NPFFR2: variants seen among roughly 807,000 people sequenced by gnomAD.
NPFFR2 encodes neuropeptide FF receptor 2, also known as G-protein coupled receptor 74.
Under a neutral mutation model 13.1 loss-of-function variants are expected in NPFFR2, and 15 were observed. That is an observed-to-expected ratio of 1.15 (90% CI 0.77 to 1.76). The LOEUF (loss-of-function observed/expected upper bound fraction) is 1.76. Ranked by LOEUF, NPFFR2 falls within the 40% of genes most tolerant of loss-of-function variation. NPFFR2 has a pLI of 0.00. For synonymous variants in NPFFR2, 190 were observed against 175.7 expected, an observed-to-expected ratio of 1.08 and a Z score of -0.65; for missense variants, 572 against 503.5, an observed-to-expected ratio of 1.14 and a Z score of -1.30.
At chr4:72,121,414 C>T (rs1413505306) in intron 1 of NPFFR2, among the ~76,000 whole-genome samples, 1 of 152,108 alleles carries the variant, frequency 6.6e-6, no homozygotes, top group Non-Finnish European at 1.5e-5. Flanking sequence ...CACAAAGATA[C>T]TCCCTGAGAA....
chr4:72,053,585 C>T (rs1719654997), intron 1 of NPFFR2, among the ~76,000 whole-genome samples: 2 of 151,440 alleles, frequency 1.3e-5, no homozygotes, highest in African/African-American at 4.8e-5. Flanking sequence ...AAATTTCTTC[C>T]AGGTTATCCA....
chr4:72,100,728 A>C (rs967752119), intron 1 of NPFFR2, among the ~76,000 whole-genome samples: 3 of 152,068 alleles, frequency 2.0e-5, no homozygotes, highest in Admixed American at 6.6e-5. Flanking sequence ...AATTTCTTGA[A>C]TTTGACAAGT....
intron 1 of NPFFR2, among the ~76,000 whole-genome samples, chr4:72,046,745 A>G (rs1469462004): frequency 2.0e-5 from 3 of 152,190 alleles, no homozygotes; most frequent in Admixed American, 2.0e-4. Context: ...ATTAAAGGCA[A>G]CTCTGGTAAG....
intron 1 of NPFFR2, among the ~76,000 whole-genome samples, chr4:72,072,567 C>A (rs1337401832): frequency 1.3e-5 from 2 of 151,882 alleles, no homozygotes; most frequent in African/African-American, 4.8e-5. Flanking sequence ...GACTATGAGT[C>A]CTGTGGGACA....
chr4:72,055,847 A>G (rs1213777601), intron 1 of NPFFR2, among the ~76,000 whole-genome samples: 66 of 152,136 alleles, frequency 4.3e-4, no homozygotes, highest in Non-Finnish European at 8.8e-5. Context: ...CATTCCCTTA[A>G]GTTGGAGTCT....
chr4:72,044,169 T>C (rs1417226984), intron 1 of NPFFR2, among the ~76,000 whole-genome samples: 2 of 152,178 alleles, frequency 1.3e-5, no homozygotes, highest in African/African-American at 4.8e-5. Context: ...GTAAGTTTCC[T>C]GAGGCCTCCC....
Position 72,052,202 on chromosome 4 carries a change from T to G in NPFFR2, c.-8+20002T>G, listed in dbSNP as rs1180365686. The stretch of plus-strand genomic sequence containing the variant: ...GCAGAGACACAACCAAAAAAGAGAA[T>G]TTTAGACCAATATCCTTGATGAACA... On this transcript the variant is annotated intron_variant, in intron 1 of 3. Coordinates refer to ENST00000308744, the MANE Select transcript of NPFFR2 (RefSeq NM_004885.3). 8.7e-5 allele frequency among the ~76,000 whole-genome samples: 6 copies of G among 68,622 alleles called. 2 individuals carry two copies. Among genetic ancestry groups the G allele is most frequent in the African/African-American group, 2.5e-4 (6 of 24,168 alleles). The allele number at this position is 68,622 out of a possible 152,430, so 45.0% of individuals were successfully genotyped here.
At chr4:72,060,808 T>C (rs1719898746) in intron 1 of NPFFR2, among the ~76,000 whole-genome samples, 1 of 152,140 alleles carries the variant, frequency 6.6e-6, no homozygotes, top group Admixed American at 6.6e-5. Flanking sequence ...ATTTAGTAGC[T>C]GCTGAGTTGT....
At chr4:72,074,836 C>G (rs1720378116) in intron 1 of NPFFR2, among the ~76,000 whole-genome samples, 1 of 152,052 alleles carries the variant, frequency 6.6e-6, no homozygotes, top group Non-Finnish European at 1.5e-5. Flanking sequence ...AATGGATATT[C>G]TATGCAAACG....
At chr4:72,127,008 A>G (rs940713020) in intron 1 of NPFFR2, among the ~76,000 whole-genome samples, 1 of 152,028 alleles carries the variant, frequency 6.6e-6, no homozygotes. Context: ...AGCTGTCTAC[A>G]TTAAGACATA....
intron 1 of NPFFR2, among the ~76,000 whole-genome samples, chr4:72,073,206 G>A (rs949174873): frequency 6.6e-6 from 1 of 151,972 alleles, no homozygotes; most frequent in African/African-American, 2.4e-5. Flanking sequence ...AGTATAATTA[G>A]ATGGTTTGTA....
At chr4:72,099,017 G>T (rs1312834173) in intron 1 of NPFFR2, among the ~76,000 whole-genome samples, 1 of 152,138 alleles carries the variant, frequency 6.6e-6, no homozygotes, top group Admixed American at 6.6e-5. Context: ...TAGCTCAGTT[G>T]CCAAGTGCAA....
intron 1 of NPFFR2, among the ~76,000 whole-genome samples, chr4:72,086,888 A>T (rs972346603): frequency 6.6e-6 from 1 of 152,070 alleles, no homozygotes; most frequent in East Asian, 1.9e-4. Context: ...ACAAAAATAT[A>T]TTTCCTAGAT....
intron 1 of NPFFR2, among the ~76,000 whole-genome samples, chr4:72,074,333 T>A (rs72856124): frequency 0.031 from 4,705 of 152,088 alleles, 229 homozygotes; most frequent in African/African-American, 0.11. Flanking sequence ...ACATAGGGAT[T>A]TTGTCATCTC....
chr4:72,121,534 C>T (rs1194723750), intron 1 of NPFFR2, among the ~76,000 whole-genome samples: 1 of 152,170 alleles, frequency 6.6e-6, no homozygotes, highest in Non-Finnish European at 1.5e-5. Flanking sequence ...GGAAGCCAGT[C>T]AGATTAACAG....
intron 1 of NPFFR2, among the ~76,000 whole-genome samples, chr4:72,063,956 C>T (rs755115532): frequency 4.1e-4 from 62 of 151,988 alleles, no homozygotes; most frequent in Non-Finnish European, 7.8e-4. Context: ...GACTGGGTCT[C>T]GATTTACGTT....
intron 2 of NPFFR2, among the ~76,000 whole-genome samples, chr4:72,131,120 A>C (rs1722225161): frequency 6.6e-6 from 1 of 151,678 alleles, no homozygotes; most frequent in Non-Finnish European, 1.5e-5. Context: ...CTGCTGTGCC[A>C]TTGGAACCTG....
chr4:72,145,605 G>A (rs1722752742), intron 3 of NPFFR2, among the ~76,000 whole-genome samples: 1 of 152,118 alleles, frequency 6.6e-6, no homozygotes, highest in Admixed American at 6.6e-5. Flanking sequence ...TAGAAGACTG[G>A]AAGAACGCTT....
chr4:72,116,716 T>G (rs1290988152), intron 1 of NPFFR2, among the ~76,000 whole-genome samples: 2 of 152,204 alleles, frequency 1.3e-5, no homozygotes, highest in African/African-American at 2.4e-5. Flanking sequence ...ATTAATGGGC[T>G]TATTTCTTTT....
Sources: gnomAD v4.1 joint callset for allele counts (sites outside exome capture counted in the v4.1 genomes callset) on GRCh38, gnomAD v4.1.1 for gene constraint, MANE v1.5 for transcripts, NCBI Gene and HGNC (gene_info 2026-07-23, HGNC 2026-07-21) for gene names.